Variants in VPS18 observed in about 807,000 individuals in gnomAD.
VPS18 encodes the protein vacuolar protein sorting-associated protein 18 homolog.
A neutral mutation model predicts 82.0 loss-of-function variants in VPS18; 25 were observed. That is an observed-to-expected ratio of 0.30 (90% CI 0.22 to 0.43). VPS18 has a LOEUF of 0.43. Among genes scored for constraint, VPS18 ranks in the 20% least tolerant of loss-of-function variants. The pLI is 1.00. For missense variants in VPS18, 1,168 were observed against 1,311.1 expected (o/e 0.89, Z 1.69); for synonymous variants, 523 against 543.0 (o/e 0.96, Z 0.51).
Position 40,899,611 on chromosome 15 carries a change from C to G in VPS18, c.793C>G (p.Leu265Val), listed in dbSNP as rs1892304077. Residue 265 changes from leucine (L) to valine (V), a missense_variant, in exon 4 of 5, where the codon CTG (leucine) becomes GTG (valine). Transcript: ENST00000220509. This position sits in a 1 kb window ranked among gnomAD's most constrained non-coding sequence, Gnocchi z 4.4. ...CCCATTCCGTGAGTTTCCCAGCAAC[C>G]TGGGCTACAGTGAGTTGGCCTTCTA... ...PPPFREFPSN[L>V]GYSELAFYTP... 4 of 1,610,632 alleles carry G rather than the reference C, an allele frequency of 2.5e-6. No homozygotes were observed. Among genetic ancestry groups the G allele is most frequent in the Non-Finnish European group, 3.4e-6 (4 of 1,180,030 alleles).
rs1375460070 is a variant in VPS18 at position 40,900,997 on chromosome 15, G to A, written c.2179G>A (p.Val727Met). 3.7e-6 allele frequency: 6 copies of A among 1,602,132 alleles called. No homozygotes were observed. The highest frequency in any genetic ancestry group is 1.1e-5 in the South Asian group (1 of 91,008). The change falls in exon 4 of 5, where the codon GTG becomes ATG. Residue 727 changes from valine to methionine, a missense_variant. By Grantham distance (21) the Val-to-Met change is conservative. This residue lies in a region of VPS18 where 296 missense variants were observed against 354.0 expected (regional missense o/e 0.84). Coordinates refer to ENST00000220509, the MANE Select transcript of VPS18 (RefSeq NM_020857.3). This position sits in a 1 kb window ranked among gnomAD's most constrained non-coding sequence, Gnocchi z 5.4. The part of the protein sequence containing the change: ...YKVLELYEEA[V>M]DLALQVDVDL... ...GGTCCTAGAGCTGTATGAGGAGGCC[G>A]TGGACCTGGCCCTGCAGGTAAGCCA...
intron 1 of VPS18, 103 bp from the exon 2 acceptor site, chr15:40,895,835 A>G (rs1892220836): frequency 2.7e-6 from 4 of 1,485,066 alleles, no homozygotes; most frequent in Admixed American, 1.8e-5. Context: ...GGATAGGAAT[A>G]TGTCAGGAAA....
At position 40,903,437 on chromosome 15, in the gene VPS18, A is replaced by G; in HGVS notation, c.*96A>G. ...CCTAGGCTCTGCTCAGTCATCTTGC[A>G]ATTGCCACACTGTGACCACGTTGAC... On this transcript the variant is annotated 3_prime_UTR_variant, in exon 5 of 5. Coordinates refer to ENST00000220509, the MANE Select transcript of VPS18 (RefSeq NM_020857.3). 6.8e-7 allele frequency: 1 copy of G among 1,474,146 alleles called. No homozygotes were observed. Among genetic ancestry groups the G allele is most frequent in the Non-Finnish European group, 9.0e-7 (1 of 1,111,020 alleles). The allele number at this position is 1,474,146 out of a possible 1,614,324, so 91.3% of individuals were successfully genotyped here.
In VPS18 at chr15:40,899,368, C is replaced by A; in HGVS notation, c.550C>A (p.Pro184Thr). The change falls in exon 4 of 5, where the codon CCT becomes ACT. Residue 184 changes from proline to threonine, a missense_variant. Physicochemically the swap from Pro to Thr is conservative, Grantham distance 38. This residue lies in a region of VPS18 where 868 missense variants were observed against 939.8 expected (regional missense o/e 0.92). Transcript: ENST00000220509. The surrounding 1 kb of genome is among the most constrained non-coding windows in gnomAD (Gnocchi z 4.4). ...AGCCAGCGAAGGTGGGCTTTTCGGC[C>A]CTGCTCCGGATCTCTACTTCCGCCC... Reference protein sequence around the residue: ...LSASEGGLFGPAPDLYFRPLY... With the variant: ...LSASEGGLFGTAPDLYFRPLY... The A allele has an allele frequency of 6.2e-7, 1 of 1,611,234 alleles. No homozygotes were observed. Among genetic ancestry groups the A allele is most frequent in the Non-Finnish European group, 8.5e-7 (1 of 1,177,654 alleles).
In VPS18 at chr15:40,902,714, G is replaced by A; in HGVS notation, c.2295G>A (p.Gln765=). 6.2e-7 allele frequency: 1 copy of A among 1,614,298 alleles called. No individual in the cohort carries two copies. The highest frequency in any genetic ancestry group is 8.5e-7 in the Non-Finnish European group (1 of 1,180,058). Residue 765 remains glutamine, a synonymous_variant, in exon 5 of 5, where the codon CAG becomes CAA. Coordinates refer to ENST00000220509, the MANE Select transcript of VPS18 (RefSeq NM_020857.3). The surrounding 1 kb of genome is among the most constrained non-coding windows in gnomAD (Gnocchi z 4.2). ...TGAAGATCGCACGGCACGTGGTGCA[G>A]GAAGAGGAAGATGTACAGACAGCCA... The part of the protein sequence containing the change: ...LWLKIARHVV[Q]EEEDVQTAMA...
chr15:40,903,279 T>G lies in VPS18; in HGVS notation c.2860T>G (p.Ser954Ala). The change falls in exon 5 of 5, where the codon TCT becomes GCT. Residue 954 changes from serine (S) to alanine (A), a missense_variant. Around this residue, in one of 3 missense-constraint regions of VPS18, gnomAD observed 296 missense variants for 354.0 expected, o/e 0.84. Transcript: ENST00000220509. ...GTACTGTGGGGAGCTGATGATCCGC[T>G]CTATCGACCGGCCGTTCATCGACCC... Reference protein sequence around the residue: ...CVYCGELMIRSIDRPFIDPQR... With the variant: ...CVYCGELMIRAIDRPFIDPQR... 1 of 1,580,208 alleles carries G rather than the reference T, an allele frequency of 6.3e-7. No homozygotes were observed. Among genetic ancestry groups the G allele is most frequent in the Non-Finnish European group, 8.6e-7 (1 of 1,163,392 alleles).
At chr15:40,896,675 G>A (rs1892235675) in intron 2 of VPS18, among the ~76,000 whole-genome samples, 2 of 151,872 alleles carry the variant, frequency 1.3e-5, no homozygotes, top group Admixed American at 1.3e-4. Flanking sequence ...GCCGGGCGTG[G>A]TGGCAGGCGC....
Position 40,894,721 on chromosome 15 carries a change from C to T in VPS18, c.-48C>T, listed in dbSNP as rs1892198107. ...CGACGGGGACCCCGGGGGGGTAGCC[C>T]TTTTGTAATCCCCAGGCCCCGGACA... is the stretch of plus-strand genomic sequence containing the variant. On this transcript the variant is annotated 5_prime_UTR_variant, in exon 1 of 5. Transcript: ENST00000220509. The T allele has an allele frequency of 1.3e-6, 2 of 1,510,804 alleles. No individual in the cohort carries two copies. Among genetic ancestry groups the T allele is most frequent in the African/African-American group, 2.8e-5 (2 of 71,374 alleles). The allele number at this position is 1,510,804 out of a possible 1,614,324, so 93.6% of individuals were successfully genotyped here.
intron 1 of VPS18, 113 bp from the exon 2 acceptor site, chr15:40,895,825 G>A: frequency 7.0e-7 from 1 of 1,428,606 alleles, no homozygotes; most frequent in East Asian, 2.3e-5. Context: ...AAGGTCCTGG[G>A]GATAGGAATA....
At chr15:40,901,244 C>T (rs1171350951) in intron 4 of VPS18, among the ~76,000 whole-genome samples, 3 of 152,172 alleles carry the variant, frequency 2.0e-5, no homozygotes, top group Non-Finnish European at 4.4e-5. Context: ...TATTTGGCCA[C>T]AAAAGGGGGT....
At chr15:40,896,811 C>CAA (rs5812173) in intron 2 of VPS18, among the ~76,000 whole-genome samples, 3 of 79,836 alleles carry the variant, frequency 3.8e-5, no homozygotes, top group African/African-American at 3.1e-5. Context: ...GACTCCATCT[C>CAA]AAAAAAAAAA....
In VPS18 at chr15:40,899,187, C is replaced by T. The variant is rs1450865557; in HGVS notation, c.369C>T (p.Tyr123=). Residue 123 remains tyrosine, a synonymous_variant, in exon 4 of 5, where the codon TAC becomes TAT. Transcript: ENST00000220509. The surrounding 1 kb of genome is among the most constrained non-coding windows in gnomAD (Gnocchi z 4.4). ...LIALSSTEVL[Y]VNRNGQKVRP... is the part of the protein sequence containing the mutation. ...CCCTGAGCAGCACGGAGGTCCTCTA[C>T]GTGAACCGAAATGGACAGAAGGTAC... is the stretch of plus-strand genomic sequence containing the variant. 9.9e-6 allele frequency: 16 copies of T among 1,614,166 alleles called. No homozygotes were observed. The highest frequency in any genetic ancestry group is 1.6e-4 in the Middle Eastern group (1 of 6,062).
chr15:40,894,840 C>T lies in VPS18; in HGVS notation c.72C>T (p.Ser24=). ...CCGTCTTGCAGCCCGGCTGCCCTAG[C>T]GTGGGCATCCCCCACTCGGGTAAGG... The part of the protein sequence containing the change: ...RSAVLQPGCP[S]VGIPHSGYVN... Residue 24 remains serine, a synonymous_variant, in exon 1 of 5, where the codon AGC becomes AGT. Coordinates refer to ENST00000220509, the MANE Select transcript of VPS18 (RefSeq NM_020857.3). 1.3e-6 allele frequency: 2 copies of T among 1,553,816 alleles called. No homozygotes were observed. The highest frequency in any genetic ancestry group is 1.7e-6 in the Non-Finnish European group (2 of 1,148,860).
In VPS18 at chr15:40,899,255, G is replaced by C; in HGVS notation, c.437G>C (p.Gly146Ala). 6.2e-7 allele frequency: 1 copy of C among 1,614,256 alleles called. No individual in the cohort carries two copies. Among genetic ancestry groups the C allele is most frequent in the Non-Finnish European group, 8.5e-7 (1 of 1,180,056 alleles). Residue 146 changes from glycine (G) to alanine (A), a missense_variant, in exon 4 of 5, where the codon GGT becomes GCT. Around this residue, in one of 3 missense-constraint regions of VPS18, gnomAD observed 868 missense variants for 939.8 expected, o/e 0.92. Coordinates refer to ENST00000220509, the MANE Select transcript of VPS18 (RefSeq NM_020857.3). This position sits in a 1 kb window ranked among gnomAD's most constrained non-coding sequence, Gnocchi z 4.4. ...RWKGQLVESVGWNKALGTESS... is the reference protein window; with the variant it reads ...RWKGQLVESVAWNKALGTESS... ...AAGGGGCAGCTGGTGGAGAGTGTGG[G>C]TTGGAACAAGGCACTGGGCACGGAG...
intron 1 of VPS18, among the ~76,000 whole-genome samples, chr15:40,895,221 G>T (rs1247168706): frequency 6.6e-6 from 1 of 152,190 alleles, no homozygotes; most frequent in Non-Finnish European, 1.5e-5. Flanking sequence ...TGGGAGGGAA[G>T]GAATGGACAA....
rs1048984734 is a variant in VPS18, at chr15:40,894,513, T to C, written c.-256T>C. The C allele has an allele frequency of 5.3e-6, 2 of 378,540 alleles. No individual in the cohort carries two copies. The highest frequency in any genetic ancestry group is 4.2e-5 in the African/African-American group (2 of 47,908). 23.4% of individuals were successfully genotyped at this position (378,540 alleles called of 1,614,324 possible). A position where few individuals can be genotyped will look rare whatever the true frequency, so the allele number is the denominator to read the frequency against. On this transcript the variant is annotated 5_prime_UTR_variant, in exon 1 of 5. Coordinates refer to ENST00000220509, the MANE Select transcript of VPS18 (RefSeq NM_020857.3). ...GCACCGGCTGAAGGGAGCCTGTGAT[T>C]TTTTTGTAGCGGGGGCGGGGAGTAA...
intron 2 of VPS18, 22 bp from the exon 3 acceptor site, chr15:40,898,885 A>T (rs749803635): frequency 7.5e-6 from 12 of 1,607,958 alleles, no homozygotes; most frequent in Non-Finnish European, 7.7e-6. Flanking sequence ...CTCTAAAGTG[A>T]TGGTGACGCT....
In VPS18 at chr15:40,899,869, G is replaced by C. The variant is rs369313801; in HGVS notation, c.1051G>C (p.Gly351Arg). The C allele has an allele frequency of 1.9e-6, 3 of 1,608,918 alleles. No homozygotes were observed. Among genetic ancestry groups the C allele is most frequent in the Non-Finnish European group, 2.5e-6 (3 of 1,179,998 alleles). The change falls in exon 4 of 5, where the codon GGG becomes CGG. Residue 351 changes from glycine to arginine, a missense_variant. Around this residue, in one of 3 missense-constraint regions of VPS18, gnomAD observed 868 missense variants for 939.8 expected, o/e 0.92. Coordinates refer to ENST00000220509, the MANE Select transcript of VPS18 (RefSeq NM_020857.3). This position sits in a 1 kb window ranked among gnomAD's most constrained non-coding sequence, Gnocchi z 4.4. ...GGTGGAGGCAGTGTGCACACTGACC[G>C]GGCAGGTGGTGCTGCGGGATCACTT... ...DRVEAVCTLT[G>R]QVVLRDHFLE...
intron 2 of VPS18, among the ~76,000 whole-genome samples, chr15:40,897,555 G>A (rs2142036330): frequency 6.6e-6 from 1 of 152,238 alleles, no homozygotes; most frequent in Middle Eastern, 3.4e-3. Context: ...AGTTTGAGAA[G>A]AAAATTAAGT....
Sources: gnomAD v4.1 joint callset for allele counts (sites outside exome capture counted in the v4.1 genomes callset) on GRCh38, gnomAD v4.1.1 for gene constraint, gnomAD v4.1.1 regional missense constraint, Gnocchi (gnomAD v3.1) non-coding constraint, MANE v1.5 for transcripts, NCBI Gene and HGNC (gene_info 2026-07-23, HGNC 2026-07-21) for gene names.